GNPDA1: variants seen among roughly 807,000 people sequenced by gnomAD.
GNPDA1 encodes GNPDA 1.
Under a neutral mutation model 28.5 loss-of-function variants are expected in GNPDA1, and 24 were observed. The ratio of observed to expected loss-of-function variants is 0.84; its 90% confidence interval spans 0.61 to 1.19. GNPDA1 has a LOEUF of 1.19. Ranked by LOEUF, GNPDA1 falls within the 50% of genes most tolerant of loss-of-function variation. The pLI is 0.00. For synonymous variants in GNPDA1, 147 were observed against 139.3 expected (o/e 1.06, Z -0.39); for missense variants, 264 against 367.3 (o/e 0.72, Z 2.30).
intron 2 of GNPDA1, among the ~76,000 whole-genome samples, chr5:142,010,600 T>C (rs1406028269): frequency 2.0e-5 from 3 of 151,192 alleles, no homozygotes; most frequent in African/African-American, 7.3e-5. Context: ...CTCGACCTCC[T>C]GGCCCAAGCA....
At position 142,003,036 on chromosome 5, in the gene GNPDA1, C is replaced by T; in HGVS notation, c.769+52G>A. 6.7e-7 allele frequency: 1 copy of T among 1,493,010 alleles called. No homozygotes were observed. The highest frequency in any genetic ancestry group is 9.2e-7 in the Non-Finnish European group (1 of 1,088,758). The allele number at this position is 1,493,010 out of a possible 1,614,324, so 92.5% of individuals were successfully genotyped here. On this transcript the variant is annotated intron_variant, in intron 6 of 6. Coordinates refer to ENST00000311337, the MANE Select transcript of GNPDA1 (RefSeq NM_005471.5). The surrounding 1 kb of genome is among the most constrained non-coding windows in gnomAD (Gnocchi z 4.0). Reference sequence around the variant, plus strand: ...ATGAAAGCTGGATCTACTCCTTACTCCTAGCACACCCTAAGCTTGACCACC... The same window carrying T: ...ATGAAAGCTGGATCTACTCCTTACTTCTAGCACACCCTAAGCTTGACCACC...
rs772877695 is a variant in GNPDA1 at position 142,002,022 on chromosome 5, G to A, written c.*7C>T. On this transcript the variant is annotated 3_prime_UTR_variant, in exon 7 of 7. Transcript: ENST00000311337. ...TATGGGTACTTGACACTAGGTCCCA[G>A]CACAGGCTAATCGCTGTATGGTTTC... 1 of 1,473,986 alleles carries A rather than the reference G, an allele frequency of 6.8e-7. No homozygotes were observed. The highest frequency in any genetic ancestry group is 1.1e-5 in the South Asian group (1 of 87,788). The allele number at this position is 1,473,986 out of a possible 1,614,324, so 91.3% of individuals were successfully genotyped here.
Position 142,003,566 on chromosome 5 carries a change from G to T in GNPDA1, c.595-304C>A, listed in dbSNP as rs1755728850. Among the ~76,000 whole-genome samples, 1 of 152,138 alleles carries T rather than the reference G, an allele frequency of 6.6e-6. No individual in the cohort carries two copies. The highest frequency in any genetic ancestry group is 1.5e-5 in the Non-Finnish European group (1 of 68,034). On this transcript the variant is annotated intron_variant, in intron 5 of 6. Transcript: ENST00000311337. The surrounding 1 kb of genome is among the most constrained non-coding windows in gnomAD (Gnocchi z 4.0). ...GGTATCTTTGATGATGACTATGAAG[G>T]TGCCCTGTAAACAGACATGCCATGC...
chr5:142,006,035 A>G (rs1314954742), intron 4 of GNPDA1, 109 bp downstream of exon 4: 20 of 869,278 alleles, frequency 2.3e-5, no homozygotes, highest in Non-Finnish European at 2.7e-5. Context: ...CTCTGTCTCT[A>G]CGGTCACTAG....
chr5:142,009,091 C>T (rs1755877036), intron 2 of GNPDA1, among the ~76,000 whole-genome samples: 1 of 151,702 alleles, frequency 6.6e-6, no homozygotes, highest in African/African-American at 2.4e-5. Context: ...GAACAAGAGC[C>T]AGAGAAAGGT....
chr5:142,007,715 G>C, intron 3 of GNPDA1, 84 bp downstream of exon 3: 1 of 788,570 alleles, frequency 1.3e-6, no homozygotes, highest in East Asian at 2.5e-5. Context: ...CTGGCTCCCC[G>C]ATTCCTCTCC....
intron 2 of GNPDA1, 154 bp downstream of exon 2, chr5:142,011,758 C>T (rs1225454367): frequency 5.5e-6 from 4 of 721,924 alleles, no homozygotes. Flanking sequence ...GAAGCTGGGT[C>T]CTTTGTATGT....
At chr5:142,005,147 A>G in intron 4 of GNPDA1, 31 bp from the exon 5 acceptor site, 1 of 1,526,342 alleles carries the variant, frequency 6.6e-7, no homozygotes, top group Non-Finnish European at 9.0e-7. Context: ...CAGCCCTGTC[A>G]GTCCCAGGGA....
chr5:142,005,138 A>C, intron 4 of GNPDA1, 22 bp from the exon 5 acceptor site: 1 of 1,556,256 alleles, frequency 6.4e-7, no homozygotes, highest in Non-Finnish European at 8.8e-7. Context: ...GAGCCCGTGC[A>C]GCCCTGTCAG....
rs201291517 is a variant in GNPDA1, at chr5:142,003,283, C to T, written c.595-21G>A. The T allele has an allele frequency of 3.0e-4, 476 of 1,574,538 alleles. No individual in the cohort carries two copies. Among genetic ancestry groups the T allele is most frequent in the Middle Eastern group, 1.3e-3 (8 of 5,956 alleles). On this transcript the variant is annotated intron_variant, in intron 5 of 6. Coordinates refer to ENST00000311337, the MANE Select transcript of GNPDA1 (RefSeq NM_005471.5). This position sits in a 1 kb window ranked among gnomAD's most constrained non-coding sequence, Gnocchi z 4.0. Reference sequence around the variant, plus strand: ...ATCACCTGGGGATCAGAAAACAAGTCTGTGATGGAGGGGAGCATTCCAGAC... The same window carrying T: ...ATCACCTGGGGATCAGAAAACAAGTTTGTGATGGAGGGGAGCATTCCAGAC...
chr5:142,004,687 C>T (rs897315335), intron 5 of GNPDA1, among the ~76,000 whole-genome samples: 1 of 152,222 alleles, frequency 6.6e-6, no homozygotes, highest in African/African-American at 2.4e-5. Flanking sequence ...GGCCAGAGAG[C>T]CTGCTGTCTC....
intron 4 of GNPDA1, chr5:142,005,904 G>C (rs1023073772): frequency 1.2e-5 from 5 of 417,328 alleles, no homozygotes; most frequent in Non-Finnish European, 2.2e-5. Flanking sequence ...GGAGTAGACA[G>C]AATCTCAGAG....
rs374048596 is a variant in GNPDA1 at position 142,000,723 on chromosome 5, T to C, written c.*1306A>G. 4 of 152,478 alleles carry C rather than the reference T, an allele frequency of 2.6e-5. No individual in the cohort carries two copies. Among genetic ancestry groups the C allele is most frequent in the South Asian group, 4.1e-4 (2 of 4,822 alleles). 9.4% of individuals were successfully genotyped at this position (152,478 alleles called of 1,614,324 possible). On this transcript the variant is annotated 3_prime_UTR_variant, in exon 7 of 7. Coordinates refer to ENST00000311337, the MANE Select transcript of GNPDA1 (RefSeq NM_005471.5). Reference sequence around the variant, plus strand: ...AAATATCACATTGTAAACAAATCCATTGATCCATGAGCTTAAAACAGAATG... The same window carrying C: ...AAATATCACATTGTAAACAAATCCACTGATCCATGAGCTTAAAACAGAATG...
At chr5:142,005,295 A>C in intron 4 of GNPDA1, 179 bp from the exon 5 acceptor site, 1 of 493,114 alleles carries the variant, frequency 2.0e-6, no homozygotes, top group Non-Finnish European at 3.7e-6. Context: ...CCTCCCTACC[A>C]TTTCTTTCTC....
chr5:142,009,136 A>C (rs934955732), intron 2 of GNPDA1, among the ~76,000 whole-genome samples: 1 of 152,210 alleles, frequency 6.6e-6, no homozygotes, highest in African/African-American at 2.4e-5. Flanking sequence ...ACAATTGGTG[A>C]ATTTAGGTGA....
chr5:142,009,408 C>T (rs977157482), intron 2 of GNPDA1, among the ~76,000 whole-genome samples: 1 of 152,092 alleles, frequency 6.6e-6, no homozygotes, highest in Admixed American at 6.6e-5. Flanking sequence ...TCCTTTCCTG[C>T]TTCATGTTTC....
intron 3 of GNPDA1, among the ~76,000 whole-genome samples, chr5:142,007,470 C>T (rs866830795): frequency 6.6e-6 from 1 of 152,080 alleles, no homozygotes; most frequent in Non-Finnish European, 1.5e-5. Context: ...ATCCCACTTG[C>T]AATCATTTGT....
chr5:142,006,655 A>T (rs998999590), intron 3 of GNPDA1, among the ~76,000 whole-genome samples: 1 of 152,102 alleles, frequency 6.6e-6, no homozygotes, highest in Non-Finnish European at 1.5e-5. Context: ...CACTCTGGCC[A>T]CCTGGGGTAG....
intron 4 of GNPDA1, 44 bp downstream of exon 4, chr5:142,006,100 C>T (rs928896778): frequency 4.6e-6 from 7 of 1,522,916 alleles, no homozygotes; most frequent in Non-Finnish European, 6.3e-6. Flanking sequence ...CTCCTTCCCA[C>T]GGGTCTGGCC....
Sources: allele counts gnomAD v4.1 joint callset (sites outside exome capture counted in the v4.1 genomes callset), GRCh38; gene constraint gnomAD v4.1.1; non-coding constraint Gnocchi (gnomAD v3.1); transcripts MANE v1.5; gene names NCBI Gene and HGNC (gene_info 2026-07-23, HGNC 2026-07-21).